CFAP251: variants seen among roughly 807,000 people sequenced by gnomAD.
CFAP251 encodes cilia and flagella associated protein 251.
A neutral mutation model predicts 126.7 loss-of-function variants in CFAP251; 93 were observed. The ratio of observed to expected loss-of-function variants is 0.73; its 90% CI spans 0.62 to 0.87. The LOEUF (loss-of-function observed/expected upper bound fraction) is 0.87, where lower values mean the gene tolerates loss of function less well. Ranked by LOEUF, CFAP251 falls within the 40% of genes least tolerant of loss-of-function variation. The pLI is 0.00. For missense variants in CFAP251, 1,287 were observed against 1,389.2 expected, an observed-to-expected ratio of 0.93 and a Z score of 1.17; for synonymous variants, 503 against 506.9, an observed-to-expected ratio of 0.99 and a Z score of 0.10.
intron 2 of CFAP251, among the ~76,000 whole-genome samples, chr12:121,923,198 C>T (rs1024164862): frequency 1.3e-5 from 2 of 149,760 alleles, no homozygotes; most frequent in Admixed American, 1.4e-4. Flanking sequence ...CTCACTTTGT[C>T]ACCTAGGCTG....
Position 121,958,473 on chromosome 12 carries a change from G to A in CFAP251, c.1932G>A (p.Arg644=), listed in dbSNP as rs1324919841. The change falls in exon 12 of 22, where the codon AGG becomes AGA. Residue 644 remains arginine, a synonymous_variant. Transcript: ENST00000288912. Reference sequence around the variant, plus strand: ...AAAACAAACAATATCTTTTCAGCAGGGTTTTTGAGAAGGGGCTTGGAGTCC... The same window carrying A: ...AAAACAAACAATATCTTTTCAGCAGAGTTTTTGAGAAGGGGCTTGGAGTCC... The part of the protein sequence containing the change: ...NYENKQYLFS[R]VFEKGLGVQS... The A allele has an allele frequency of 6.2e-7, 1 of 1,614,222 alleles. No homozygotes were observed. Among genetic ancestry groups the A allele is most frequent in the Non-Finnish European group, 8.5e-7 (1 of 1,180,026 alleles).
At chr12:121,986,790 C>G (rs989945299) in intron 19 of CFAP251, among the ~76,000 whole-genome samples, 18 of 151,192 alleles carry the variant, frequency 1.2e-4, no homozygotes, top group Non-Finnish European at 2.4e-4. Context: ...AAAAAAAAGC[C>G]CATCTAGGGG....
At chr12:121,929,574 A>G (rs1330389604) in intron 3 of CFAP251, among the ~76,000 whole-genome samples, 1 of 151,978 alleles carries the variant, frequency 6.6e-6, no homozygotes, top group Non-Finnish European at 1.5e-5. Flanking sequence ...GTATCCTGAC[A>G]TGTACCCAGC....
chr12:121,978,254 C>A (rs911891838), intron 19 of CFAP251, among the ~76,000 whole-genome samples: 5 of 150,428 alleles, frequency 3.3e-5, no homozygotes, highest in African/African-American at 9.8e-5. Context: ...ATAAGCCGAG[C>A]GTGGTGGCGG....
chr12:121,999,982 G>A lies in CFAP251; in HGVS notation c.3235+38G>A. 4 of 1,549,944 alleles carry A rather than the reference G, an allele frequency of 2.6e-6. No individual in the cohort carries two copies. The South Asian group carries it at 3.4e-5, about 13-fold the overall frequency. ...ATCAGGATGTCTGGTAACATCCTGGGGCCATTCCCAGTGTAGAGAACTGAG... is the reference window on the plus strand; with the variant it reads ...ATCAGGATGTCTGGTAACATCCTGGAGCCATTCCCAGTGTAGAGAACTGAG... On this transcript the variant is annotated intron_variant, in intron 20 of 21. Transcript: ENST00000288912.
At chr12:121,966,504 C>T (rs933649400) in intron 15 of CFAP251, among the ~76,000 whole-genome samples, 10 of 127,552 alleles carry the variant, frequency 7.8e-5, no homozygotes, top group African/African-American at 2.4e-4. Context: ...AACTCCTGAC[C>T]TCAGTTGATC....
At chr12:121,924,430 T>TAAAGTTCGGTTAAGAGC (rs1565901129) in intron 3 of CFAP251, among the ~76,000 whole-genome samples, 3 of 68,658 alleles carry the variant, frequency 4.4e-5, no homozygotes, top group East Asian at 2.1e-4. Flanking sequence ...TTGTGTCTTT[T>TAAAGTTCGGTTAAGAGC]TTTTTTTTTT....
intron 7 of CFAP251, among the ~76,000 whole-genome samples, chr12:121,945,727 G>A (rs568262435): frequency 3.5e-4 from 52 of 148,948 alleles, no homozygotes; most frequent in Non-Finnish European, 6.7e-4. Context: ...GTGCAGTGGC[G>A]CAATCTTGGC....
At chr12:121,963,225 G>A (rs908882693) in intron 15 of CFAP251, among the ~76,000 whole-genome samples, 6 of 152,254 alleles carry the variant, frequency 3.9e-5, no homozygotes, top group Admixed American at 6.5e-5. Context: ...ATATCCTGCC[G>A]GCAAAGCGAA....
chr12:121,920,222 CTTTTTTTTTTTTT>C (rs1161902952), intron 1 of CFAP251, among the ~76,000 whole-genome samples: 1 of 57,914 alleles, frequency 1.7e-5, no homozygotes, highest in African/African-American at 8.7e-5. Flanking sequence ...ACAAATGTGA[CTTTTTTTTTTTTT>C]TTTTTTTTTT....
intron 1 of CFAP251, 42 bp from the exon 2 acceptor site, chr12:121,921,244 A>G (rs1880157428): frequency 2.6e-6 from 4 of 1,523,624 alleles, no homozygotes; most frequent in Non-Finnish European, 3.5e-6. Context: ...TGGAAATGGG[A>G]AGCTGAGGGC....
chr12:121,963,711 G>A (rs1184641845), intron 15 of CFAP251, among the ~76,000 whole-genome samples: 1 of 150,068 alleles, frequency 6.7e-6, no homozygotes, highest in Non-Finnish European at 1.5e-5. Flanking sequence ...GGCCTGCACT[G>A]TCATCCCATT....
chr12:121,946,440 A>G (rs933933332), intron 7 of CFAP251, among the ~76,000 whole-genome samples: 1 of 152,126 alleles, frequency 6.6e-6, no homozygotes, highest in Non-Finnish European at 1.5e-5. Context: ...AGCAGTTCAT[A>G]TCTTCAAGGA....
intron 19 of CFAP251, among the ~76,000 whole-genome samples, chr12:121,986,731 T>C (rs1593004121): frequency 6.8e-6 from 1 of 147,530 alleles, no homozygotes; most frequent in South Asian, 2.1e-4. Flanking sequence ...ACCATTGCTC[T>C]CCAGTATGGG....
At chr12:121,959,115 C>A (rs764545934) in intron 13 of CFAP251, 21 bp downstream of exon 13, 3 of 1,568,002 alleles carry the variant, frequency 1.9e-6, no homozygotes, top group Non-Finnish European at 1.7e-6. Flanking sequence ...TCATGGACAA[C>A]CCATCCAGTG....
At position 121,962,176 on chromosome 12, in the gene CFAP251, G is replaced by A. The variant is rs150285366; in HGVS notation, c.2492+14G>A. 616 of 1,609,842 alleles carry A rather than the reference G, an allele frequency of 3.8e-4. 2 individuals are homozygous for A. In the African/African-American group the frequency reaches 6.9e-3, roughly 18 times the overall value. ...CAAAATGTGCAGGTAAGCACCCGGA[G>A]CTTCCCATTGCAGGGGGCGTGGATC... On this transcript the variant is annotated intron_variant, in intron 15 of 21. Coordinates refer to ENST00000288912, the MANE Select transcript of CFAP251 (RefSeq NM_144668.6).
intron 9 of CFAP251, chr12:121,953,394 C>T (rs942475093): frequency 6.6e-6 from 1 of 152,252 alleles, no homozygotes; most frequent in African/African-American, 2.4e-5. Context: ...ATTTGTCACA[C>T]TGCACATGCA....
In CFAP251 at chr12:121,971,468, G is replaced by A. The variant is rs79233085; in HGVS notation, c.2771+3299G>A. The A allele has an allele frequency of 5.0e-3, 3,500 of 696,352 alleles. 93 individuals are homozygous for A. In the African/African-American group the frequency reaches 0.053, roughly 11 times the overall value. The allele number at this position is 696,352 out of a possible 1,614,324, so 43.1% of individuals were successfully genotyped here. On this transcript the variant is annotated intron_variant, in intron 17 of 21. Transcript: ENST00000288912. ...TGTGCTGATACCCATTTCCATGGCC[G>A]TAATAATCCCAACCACTTGTGCTGA...
Position 121,921,503 on chromosome 12 carries a change from G to GAGGAGGGC in CFAP251, c.199_200insGGAGGGCA (p.Lys67ArgfsTer35), listed in dbSNP as rs771552444. The GAGGAGGGC allele has an allele frequency of 2.4e-5, 38 of 1,613,428 alleles. No homozygotes were observed. The South Asian group carries it at 2.6e-4, about 11-fold the overall frequency. On this transcript the variant is annotated frameshift_variant, in exon 2 of 22. Transcript: ENST00000288912. LOFTEE classifies it high-confidence loss of function. ...GCGAGGAGGAAGGGGAGGAGGAGGG[G>GAGGAGGGC]AAGGAGGACAAAAAGATTGTCATGG...
Sources: allele counts gnomAD v4.1 joint callset (sites outside exome capture counted in the v4.1 genomes callset), GRCh38; gene constraint gnomAD v4.1.1; transcripts MANE v1.5; gene names NCBI Gene and HGNC (gene_info 2026-07-23, HGNC 2026-07-21).